The following SEMA5A variants were observed in gnomAD, a reference collection of about 807,000 sequenced individuals.
The protein encoded by SEMA5A is semaphorin-5A.
SEMA5A carries 55 observed loss-of-function variants against 135.5 expected under a neutral mutation model. The ratio of observed to expected loss-of-function variants is 0.41; its 90% CI spans 0.33 to 0.51. The LOEUF (loss-of-function observed/expected upper bound fraction) is 0.51. Ranked by LOEUF, SEMA5A falls within the 20% of genes least tolerant of loss-of-function variation. The pLI is 0.37. For synonymous variants in SEMA5A, 580 were observed against 546.5 expected (o/e 1.06, Z -0.85); for missense variants, 1,290 against 1,419.9 (o/e 0.91, Z 1.47).
At chr5:9,353,245 G>T (rs561624591) in intron 3 of SEMA5A, among the ~76,000 whole-genome samples, 3 of 138,232 alleles carry the variant, frequency 2.2e-5, no homozygotes, top group African/African-American at 8.7e-5. Flanking sequence ...GGAAGGAAAG[G>T]GAAGGGAAGG....
rs2271223 is a variant in SEMA5A at position 9,545,934 on chromosome 5, G to A, written c.-525C>T. On this transcript the variant is annotated 5_prime_UTR_variant, in exon 1 of 23. Coordinates refer to ENST00000382496, the MANE Select transcript of SEMA5A (RefSeq NM_003966.3). The surrounding 1 kb of genome is among the most constrained non-coding windows in gnomAD (Gnocchi z 4.5). ...GACACTGGCCGGGCCGCCCCTGCACGGGGAAGGTGGAGGGCCGGGGCTGCA... is the reference window on the plus strand; with the variant it reads ...GACACTGGCCGGGCCGCCCCTGCACAGGGAAGGTGGAGGGCCGGGGCTGCA... The A allele has an allele frequency of 0.31, 47,762 of 152,218 alleles. 7,755 individuals are homozygous for A. The highest frequency in any genetic ancestry group is 0.4 in the African/African-American group (16,702 of 41,488). The allele number at this position is 152,218 out of a possible 1,614,324, so 9.4% of individuals were successfully genotyped here. A position where few individuals can be genotyped will look rare whatever the true frequency, so the allele number is the denominator to read the frequency against.
chr5:9,348,289 G>A (rs1422264589), intron 3 of SEMA5A, among the ~76,000 whole-genome samples: 1 of 152,056 alleles, frequency 6.6e-6, no homozygotes, highest in East Asian at 1.9e-4. Flanking sequence ...TAAGTGCCTG[G>A]GTTTTATTGC....
intron 5 of SEMA5A, among the ~76,000 whole-genome samples, chr5:9,251,465 C>G (rs147708517): frequency 1.3e-5 from 2 of 152,256 alleles, no homozygotes; most frequent in Non-Finnish European, 2.9e-5. Context: ...TTATAATTCA[C>G]AATATCAACA....
intron 2 of SEMA5A, among the ~76,000 whole-genome samples, chr5:9,397,301 T>C (rs1429787692): frequency 6.6e-6 from 1 of 152,234 alleles, no homozygotes; most frequent in African/African-American, 2.4e-5. Context: ...AACATACATT[T>C]CTATAATTTA....
At chr5:9,081,232 A>G (rs1309659024) in intron 16 of SEMA5A, among the ~76,000 whole-genome samples, 2 of 152,174 alleles carry the variant, frequency 1.3e-5, no homozygotes, top group Non-Finnish European at 2.9e-5. Flanking sequence ...GCCACAGAAA[A>G]GACTGTAGCT....
chr5:9,126,065 T>G (rs1299188594), intron 13 of SEMA5A, among the ~76,000 whole-genome samples: 1 of 152,198 alleles, frequency 6.6e-6, no homozygotes, highest in Non-Finnish European at 1.5e-5. Flanking sequence ...GGAGCCAGCC[T>G]CAAGCAATAA....
At chr5:9,257,760 G>A (rs946435712) in intron 5 of SEMA5A, among the ~76,000 whole-genome samples, 4 of 152,046 alleles carry the variant, frequency 2.6e-5, no homozygotes, top group African/African-American at 9.7e-5. Flanking sequence ...CAAGGTGGTG[G>A]TCAGGGCTTG....
At chr5:9,360,332 A>G (rs1032699717) in intron 3 of SEMA5A, among the ~76,000 whole-genome samples, 4 of 152,240 alleles carry the variant, frequency 2.6e-5, no homozygotes, top group Non-Finnish European at 4.4e-5. Context: ...TAGATTAAAT[A>G]TATCACAAAA....
chr5:9,367,180 A>G (rs144146150), intron 3 of SEMA5A, among the ~76,000 whole-genome samples: 226 of 152,346 alleles, frequency 1.5e-3, no homozygotes, highest in African/African-American at 5.0e-3. Flanking sequence ...ATACAATTAA[A>G]ACGTATTACT....
intron 1 of SEMA5A, among the ~76,000 whole-genome samples, chr5:9,448,907 C>T (rs183465907): frequency 1.1e-4 from 17 of 152,344 alleles, no homozygotes; most frequent in Admixed American, 7.2e-4. Context: ...AGTCAGCTGA[C>T]TTCACATTCC....
intron 1 of SEMA5A, among the ~76,000 whole-genome samples, chr5:9,540,355 C>T (rs146019644): frequency 0.097 from 14,674 of 151,158 alleles, 954 homozygotes; most frequent in Non-Finnish European, 0.15. Flanking sequence ...TTTGGGAGGC[C>T]GAGGCGGGTG....
intron 2 of SEMA5A, among the ~76,000 whole-genome samples, chr5:9,432,168 C>T (rs1300582064): frequency 6.6e-6 from 1 of 152,184 alleles, no homozygotes; most frequent in Non-Finnish European, 1.5e-5. Context: ...CAAAACAGAT[C>T]AGCTCTGCAC....
In SEMA5A at chr5:9,122,679, G is replaced by C. The variant is rs1740874257; in HGVS notation, c.1758C>G (p.Gly586=). ...ACCTGGAACAGTTGGCGATCTCCATGCCAGGGCCCTCGCACTGCCAGCCAC... is the reference window on the plus strand; with the variant it reads ...ACCTGGAACAGTTGGCGATCTCCATCCCAGGGCCCTCGCACTGCCAGCCAC... ...QCGGWQCEGP[G]MEIANCSRNG... Residue 586 remains glycine, a synonymous_variant, in exon 14 of 23, where the codon GGC becomes GGG. Coordinates refer to ENST00000382496, the MANE Select transcript of SEMA5A (RefSeq NM_003966.3). 1 of 1,606,448 alleles carries C rather than the reference G, an allele frequency of 6.2e-7. No individual in the cohort carries two copies. The highest frequency in any genetic ancestry group is 1.3e-5 in the African/African-American group (1 of 74,856).
chr5:9,063,914 T>C (rs892822083), intron 17 of SEMA5A, among the ~76,000 whole-genome samples: 2 of 152,198 alleles, frequency 1.3e-5, no homozygotes, highest in African/African-American at 4.8e-5. Flanking sequence ...CAAAATTTTA[T>C]GAAAATGTCT....
chr5:9,428,078 A>G (rs1757723222), intron 2 of SEMA5A, among the ~76,000 whole-genome samples: 1 of 44,776 alleles, frequency 2.2e-5, no homozygotes, highest in African/African-American at 7.5e-5. Context: ...GTAAATATAT[A>G]TATGTGTGTG....
chr5:9,332,269 CAGGTGTGCA>C (rs946595802), intron 4 of SEMA5A, among the ~76,000 whole-genome samples: 10 of 139,668 alleles, frequency 7.2e-5, no homozygotes, highest in Admixed American at 5.8e-4. Flanking sequence ...TACATTGGGT[CAGGTGTGCA>C]AGGTGTGCAA....
intron 3 of SEMA5A, among the ~76,000 whole-genome samples, chr5:9,357,710 C>CTGGT (rs534263568): frequency 1.1e-3 from 172 of 152,248 alleles, no homozygotes; most frequent in Non-Finnish European, 2.0e-3. Context: ...CTGGTAACAT[C>CTGGT]AAGGCGGGAA....
At chr5:9,176,832 T>C (rs1041949271) in intron 11 of SEMA5A, among the ~76,000 whole-genome samples, 1 of 152,192 alleles carries the variant, frequency 6.6e-6, no homozygotes, top group Admixed American at 6.5e-5. Flanking sequence ...AGGATAATGG[T>C]GATCTGGTAT....
At chr5:9,053,576 T>C (rs1736713238) in intron 19 of SEMA5A, among the ~76,000 whole-genome samples, 1 of 152,144 alleles carries the variant, frequency 6.6e-6, no homozygotes. Flanking sequence ...TGGAGATCTT[T>C]GGAAGACATG....
Sources: allele counts gnomAD v4.1 joint callset (sites outside exome capture counted in the v4.1 genomes callset), GRCh38; gene constraint gnomAD v4.1.1; non-coding constraint Gnocchi (gnomAD v3.1); transcripts MANE v1.5; gene names NCBI Gene and HGNC (gene_info 2026-07-23, HGNC 2026-07-21).